GPC5: variants seen among roughly 807,000 people sequenced by gnomAD.
The protein encoded by GPC5 is glypican 5.
A neutral mutation model predicts 53.9 loss-of-function variants in GPC5; 47 were observed. The ratio of observed to expected loss-of-function variants is 0.87; its 90% CI spans 0.69 to 1.11. GPC5 has a LOEUF of 1.11. Ranked by LOEUF, GPC5 falls within the 50% of genes most tolerant of loss-of-function variation. The probability of loss-of-function intolerance (pLI) is 0.00; values close to 1 mark genes in which losing one functional copy is unlikely to be tolerated. For synonymous variants in GPC5, 286 were observed against 263.3 expected (o/e 1.09, Z -0.84); for missense variants, 748 against 713.1 (o/e 1.05, Z -0.56).
At chr13:92,702,762 A>G (rs1887793865) in intron 7 of GPC5, among the ~76,000 whole-genome samples, 1 of 152,012 alleles carries the variant, frequency 6.6e-6, no homozygotes. Flanking sequence ...TCAAAACTCC[A>G]ATGGCTCTCC....
At chr13:92,698,318 C>G (rs899961157) in intron 7 of GPC5, among the ~76,000 whole-genome samples, 1 of 151,744 alleles carries the variant, frequency 6.6e-6, no homozygotes, top group African/African-American at 2.4e-5. Flanking sequence ...CCGCCCCTCT[C>G]TCCCCACCCC....
At chr13:91,687,178 TTAAAC>T (rs1450231312) in intron 2 of GPC5, among the ~76,000 whole-genome samples, 2 of 151,998 alleles carry the variant, frequency 1.3e-5, no homozygotes, top group Admixed American at 6.6e-5. Context: ...AACTTTATCT[TTAAAC>T]TAATAAAAGC....
At chr13:91,588,875 TCA>T (rs2032695269) in intron 2 of GPC5, among the ~76,000 whole-genome samples, 1 of 152,190 alleles carries the variant, frequency 6.6e-6, no homozygotes, top group South Asian at 2.1e-4. Context: ...AGCTGCTGTG[TCA>T]TTGTCTTCTT....
chr13:91,984,571 A>G (rs1355831834), intron 6 of GPC5, among the ~76,000 whole-genome samples: 1 of 152,182 alleles, frequency 6.6e-6, no homozygotes, highest in African/African-American at 2.4e-5. Flanking sequence ...GAGTCATCGT[A>G]GTTGTTTTCA....
chr13:92,811,647 T>A (rs1877303005), intron 7 of GPC5, among the ~76,000 whole-genome samples: 1 of 152,008 alleles, frequency 6.6e-6, no homozygotes, highest in African/African-American at 2.4e-5. Flanking sequence ...TTTTCTTTTC[T>A]GTGCCTTTAA....
chr13:92,040,042 T>C (rs935226497), intron 6 of GPC5, among the ~76,000 whole-genome samples: 5 of 152,188 alleles, frequency 3.3e-5, no homozygotes, highest in African/African-American at 1.2e-4. Flanking sequence ...AACTCTGTGC[T>C]TAAGGATGTT....
At chr13:92,843,198 A>G (rs1302671248) in intron 7 of GPC5, among the ~76,000 whole-genome samples, 2 of 152,148 alleles carry the variant, frequency 1.3e-5, no homozygotes, top group East Asian at 3.8e-4. Context: ...CCTCTTTTCA[A>G]TCTCTTAACC....
intron 2 of GPC5, among the ~76,000 whole-genome samples, chr13:91,667,081 A>G (rs2139651450): frequency 6.6e-6 from 1 of 152,272 alleles, no homozygotes; most frequent in East Asian, 1.9e-4. Flanking sequence ...AAGTTCTTCT[A>G]TTGCTGACTT....
chr13:91,583,663 G>A (rs956646883), intron 2 of GPC5, among the ~76,000 whole-genome samples: 8 of 152,056 alleles, frequency 5.3e-5, no homozygotes, highest in Non-Finnish European at 8.8e-5. Context: ...AATGAAAGGT[G>A]ACAAGAATAA....
chr13:92,307,074 C>T (rs890596238), intron 7 of GPC5, among the ~76,000 whole-genome samples: 2 of 152,192 alleles, frequency 1.3e-5, no homozygotes, highest in Non-Finnish European at 2.9e-5. Context: ...ATATTGGAAA[C>T]GTCTGCTACT....
Position 91,718,209 on chromosome 13 carries a change from C to G in GPC5, c.1021-10323C>G, listed in dbSNP as rs541365305. On this transcript the variant is annotated intron_variant, in intron 3 of 7. Coordinates refer to ENST00000377067, the MANE Select transcript of GPC5 (RefSeq NM_004466.6). ...CGCTGCAAGCTCCGCTTCCCCGGTT[C>G]ATGCCATTCTCCCGTCTCAGCCTCT... 5.3e-5 allele frequency among the ~76,000 whole-genome samples: 8 copies of G among 152,216 alleles called. 1 individual carries two copies. In the South Asian group the frequency reaches 1.5e-3, roughly 28 times the overall value.
intron 6 of GPC5, among the ~76,000 whole-genome samples, chr13:91,938,085 A>G (rs1242144089): frequency 6.6e-6 from 1 of 152,098 alleles, no homozygotes; most frequent in Non-Finnish European, 1.5e-5. Flanking sequence ...GAGCTCAGAG[A>G]TCTATACTAA....
At chr13:91,553,885 A>C (rs2030793135) in intron 2 of GPC5, among the ~76,000 whole-genome samples, 2 of 152,096 alleles carry the variant, frequency 1.3e-5, no homozygotes, top group Non-Finnish European at 2.9e-5. Context: ...ATAGCCCAAA[A>C]GATTAGCAAT....
At chr13:91,465,315 A>G (rs190477021) in intron 2 of GPC5, among the ~76,000 whole-genome samples, 269 of 152,288 alleles carry the variant, frequency 1.8e-3, no homozygotes, top group African/African-American at 6.0e-3. Flanking sequence ...TGCAATGACC[A>G]CCACAATTAG....
At chr13:91,676,206 G>A (rs181869725) in intron 2 of GPC5, among the ~76,000 whole-genome samples, 123 of 152,242 alleles carry the variant, frequency 8.1e-4, no homozygotes, top group African/African-American at 2.9e-3. Flanking sequence ...AAGTAGCTGG[G>A]ATTACAGGTG....
At chr13:92,173,673 G>T (rs1444317695) in intron 7 of GPC5, among the ~76,000 whole-genome samples, 1 of 152,128 alleles carries the variant, frequency 6.6e-6, no homozygotes, top group Non-Finnish European at 1.5e-5. Context: ...AGTGTCACTT[G>T]TGTGCCACGT....
intron 7 of GPC5, among the ~76,000 whole-genome samples, chr13:92,350,463 CT>C (rs769363369): frequency 4.6e-5 from 7 of 152,090 alleles, no homozygotes; most frequent in Admixed American, 4.6e-4. Flanking sequence ...CATGTTCTCC[CT>C]TACGTGTAGA....
chr13:91,858,250 C>A (rs12864760), intron 5 of GPC5, among the ~76,000 whole-genome samples: 1 of 151,726 alleles, frequency 6.6e-6, no homozygotes, highest in East Asian at 1.9e-4. Context: ...AGTTCCAGGT[C>A]TTAGAGGAAA....
In GPC5 at chr13:92,511,940, G is replaced by T. The variant is rs1031897810; in HGVS notation, c.1562-354342G>T. On this transcript the variant is annotated intron_variant, in intron 7 of 7. Coordinates refer to ENST00000377067, the MANE Select transcript of GPC5 (RefSeq NM_004466.6). ...CAGGCTGGAGAAGTGGGAGGCAAAT[G>T]GTCTCAAAATAGAACATCCCTGTAG... Among the ~76,000 whole-genome samples, 4 of 152,166 alleles carry T rather than the reference G, an allele frequency of 2.6e-5. No homozygotes were observed. The East Asian group carries it at 7.8e-4, about 30-fold the overall frequency.
Sources: gnomAD v4.1 joint callset for allele counts (sites outside exome capture counted in the v4.1 genomes callset) on GRCh38, gnomAD v4.1.1 for gene constraint, MANE v1.5 for transcripts, NCBI Gene and HGNC (gene_info 2026-07-23, HGNC 2026-07-21) for gene names.